RASSF8: variants seen among roughly 807,000 people sequenced by gnomAD.
RASSF8 encodes Ras association domain family member 8, also known as ras association domain-containing protein 8.
RASSF8 carries 22 observed loss-of-function variants against 48.5 expected under a neutral mutation model. The ratio of observed to expected loss-of-function variants is 0.45; its 90% confidence interval spans 0.32 to 0.65. RASSF8 has a LOEUF of 0.65. Ranked by LOEUF, RASSF8 falls within the 30% of genes least tolerant of loss-of-function variation. The pLI, the probability that RASSF8 is intolerant of heterozygous loss-of-function variation, is 0.03. For missense variants in RASSF8, 418 were observed against 489.2 expected, an observed-to-expected ratio of 0.85 and a Z score of 1.37; for synonymous variants, 127 against 171.5, an observed-to-expected ratio of 0.74 and a Z score of 2.03.
exon 6 of RASSF8, chr12:26,079,759 A>G (rs879135530): frequency 6.6e-6 from 1 of 152,208 alleles, no homozygotes; most frequent in African/African-American, 2.4e-5. Flanking sequence ...AAGATAAGAG[A>G]TAGCAAGTGT....
intron 2 of RASSF8, among the ~76,000 whole-genome samples, chr12:26,029,816 G>A (rs2137103062): frequency 6.6e-6 from 1 of 152,236 alleles, no homozygotes; most frequent in African/African-American, 2.4e-5. Flanking sequence ...TGACGTCCGA[G>A]TTATACTCCT....
chr12:25,980,708 G>A (rs1469581934), intron 1 of RASSF8, among the ~76,000 whole-genome samples: 3 of 152,134 alleles, frequency 2.0e-5, no homozygotes, highest in African/African-American at 7.2e-5. Flanking sequence ...GCTATGAGCA[G>A]GTGAAGCCAT....
At chr12:26,052,200 A>G (rs150284873) in intron 2 of RASSF8, among the ~76,000 whole-genome samples, 2 of 152,362 alleles carry the variant, frequency 1.3e-5, no homozygotes, top group Admixed American at 6.5e-5. Context: ...GCAACTAGGT[A>G]GGTTTCACAA....
At chr12:25,983,580 A>G (rs1425072605) in intron 1 of RASSF8, among the ~76,000 whole-genome samples, 3 of 152,232 alleles carry the variant, frequency 2.0e-5, no homozygotes, top group Admixed American at 6.5e-5. Context: ...ATAAACTGCA[A>G]TGGGTTACGA....
At chr12:26,012,241 A>G (rs1942543649) in intron 2 of RASSF8, among the ~76,000 whole-genome samples, 1 of 152,244 alleles carries the variant, frequency 6.6e-6, no homozygotes, top group Non-Finnish European at 1.5e-5. Context: ...CAAGATTATT[A>G]TGAGACTTAA....
chr12:26,074,017 C>T (rs185803269), downstream of RASSF8, among the ~76,000 whole-genome samples: 45 of 151,474 alleles, frequency 3.0e-4, no homozygotes, highest in East Asian at 7.6e-3. Flanking sequence ...AATAATAGTA[C>T]GTTATAAAAG....
intron 1 of RASSF8, among the ~76,000 whole-genome samples, chr12:25,975,712 A>C (rs947374839): frequency 1.3e-5 from 2 of 152,236 alleles, no homozygotes; most frequent in African/African-American, 4.8e-5. Context: ...ATAGAGATAA[A>C]TGCAAAGGAA....
chr12:26,021,659 T>A (rs904638326), intron 2 of RASSF8: 1 of 152,206 alleles, frequency 6.6e-6, no homozygotes, highest in African/African-American at 2.4e-5. Context: ...AAGGTGCAGG[T>A]CTGTGCAGCT....
Position 26,068,611 on chromosome 12 carries a change from G to A in RASSF8, c.1139-86G>A, listed in dbSNP as rs1375832942. Reference sequence around the variant, plus strand: ...ATTGCTCTATGCAGTTTTCCCTTTTGGGGTAGGAAGCAGTCTGATTTTTTA... The same window carrying A: ...ATTGCTCTATGCAGTTTTCCCTTTTAGGGTAGGAAGCAGTCTGATTTTTTA... On this transcript the variant is annotated intron_variant, in intron 5 of 5. Transcript: ENST00000689635. 8.4e-6 allele frequency: 9 copies of A among 1,071,380 alleles called. No homozygotes were observed. In the Admixed American group the frequency reaches 1.9e-4, roughly 23 times the overall value. 66.4% of individuals were successfully genotyped at this position (1,071,380 alleles called of 1,614,324 possible).
At chr12:25,983,587 A>G (rs1034142867) in intron 1 of RASSF8, among the ~76,000 whole-genome samples, 3 of 152,254 alleles carry the variant, frequency 2.0e-5, no homozygotes, top group African/African-American at 7.2e-5. Flanking sequence ...GCAATGGGTT[A>G]CGACCATAGT....
intron 2 of RASSF8, among the ~76,000 whole-genome samples, chr12:26,054,351 C>T (rs934740318): frequency 6.6e-6 from 1 of 152,180 alleles, no homozygotes; most frequent in Non-Finnish European, 1.5e-5. Flanking sequence ...AAAATTTCTG[C>T]TTTGCTTATA....
chr12:25,963,419 A>G (rs1163887662), intron 1 of RASSF8, among the ~76,000 whole-genome samples: 9 of 151,518 alleles, frequency 5.9e-5, no homozygotes, highest in Non-Finnish European at 1.3e-4. Context: ...TTTACGAAAT[A>G]TTAGCTTGAT....
intron 4 of RASSF8, 63 bp from the exon 5 acceptor site, chr12:26,067,506 A>C: frequency 6.8e-7 from 1 of 1,471,578 alleles, no homozygotes; most frequent in South Asian, 1.2e-5. Flanking sequence ...GATCCTCACA[A>C]AGATGTCTTG....
chr12:26,073,459 G>A (rs181479842), downstream of RASSF8, among the ~76,000 whole-genome samples: 94 of 152,232 alleles, frequency 6.2e-4, no homozygotes, highest in Non-Finnish European at 1.1e-3. Flanking sequence ...CATGAGGGCC[G>A]GGCGCAGTGG....
chr12:26,023,819 G>C (rs12298651), intron 2 of RASSF8, among the ~76,000 whole-genome samples: 1 of 152,218 alleles, frequency 6.6e-6, no homozygotes, highest in East Asian at 1.9e-4. Flanking sequence ...TCAAAAGATG[G>C]AGATGTAATA....
At position 26,072,126 on chromosome 12, in the gene RASSF8, T is replaced by G. The variant is rs1513130; in HGVS notation, c.*3308T>G. The G allele has an allele frequency of 1, 982,658 of 985,108 alleles. 490,152 individuals carry two copies. The highest frequency in any genetic ancestry group is 1 in the Middle Eastern group (1,914 of 1,914). 61.0% of individuals were successfully genotyped at this position (985,108 alleles called of 1,614,324 possible). A position where few individuals can be genotyped will look rare whatever the true frequency, so the allele number is the denominator to read the frequency against. Reference sequence around the variant, plus strand: ...CATTGTGCATTGCCTTTGATAAATTTGGCCTTAATTTATATAACGATGCTG... The same window carrying G: ...CATTGTGCATTGCCTTTGATAAATTGGGCCTTAATTTATATAACGATGCTG... On this transcript the variant is annotated 3_prime_UTR_variant, in exon 6 of 6. Coordinates refer to ENST00000689635, the MANE Select transcript of RASSF8 (RefSeq NM_001394098.1).
At chr12:26,006,044 G>A (rs1264921828) in intron 2 of RASSF8, among the ~76,000 whole-genome samples, 1 of 151,792 alleles carries the variant, frequency 6.6e-6, no homozygotes, top group Non-Finnish European at 1.5e-5. Context: ...GACAAATATG[G>A]GTGCATATGT....
At chr12:26,049,625 G>A (rs73080906) in intron 2 of RASSF8, among the ~76,000 whole-genome samples, 9 of 152,236 alleles carry the variant, frequency 5.9e-5, no homozygotes, top group Non-Finnish European at 1.0e-4. Context: ...GTATATGGTC[G>A]AAAAAATATA....
At chr12:26,025,508 G>C (rs948198372) in intron 2 of RASSF8, among the ~76,000 whole-genome samples, 14 of 148,768 alleles carry the variant, frequency 9.4e-5, no homozygotes, top group Non-Finnish European at 3.0e-5. Context: ...CTGGCAGTGA[G>C]CCGAGATCGC....
Sources: gnomAD v4.1 joint callset for allele counts (sites outside exome capture counted in the v4.1 genomes callset) on GRCh38, gnomAD v4.1.1 for gene constraint, MANE v1.5 for transcripts, NCBI Gene and HGNC (gene_info 2026-07-23, HGNC 2026-07-21) for gene names.